Variants in NCAPH observed in about 807,000 individuals in gnomAD.
NCAPH encodes condensin complex subunit 2.
A neutral mutation model predicts 85.5 loss-of-function variants in NCAPH; 38 were observed. The observed-to-expected ratio is 0.44, with a 90% CI of 0.34 to 0.58. NCAPH has a LOEUF of 0.58. Among genes scored for constraint, NCAPH ranks in the 20% least tolerant of loss-of-function variants. The pLI, the probability that NCAPH is intolerant of heterozygous loss-of-function variation, is 0.01. For missense variants in NCAPH, 789 were observed against 916.6 expected, an observed-to-expected ratio of 0.86 and a Z score of 1.80; for synonymous variants, 301 against 335.1, an observed-to-expected ratio of 0.90 and a Z score of 1.11.
intron 6 of NCAPH, among the ~76,000 whole-genome samples, chr2:96,351,151 A>T (rs1308707977): frequency 6.6e-6 from 1 of 152,212 alleles, no homozygotes; most frequent in Non-Finnish European, 1.5e-5. Flanking sequence ...GGAACAATAG[A>T]GCCCTGTGAC....
At chr2:96,366,678 A>G (rs1004843061) in intron 14 of NCAPH, among the ~76,000 whole-genome samples, 1 of 152,160 alleles carries the variant, frequency 6.6e-6, no homozygotes, top group Non-Finnish European at 1.5e-5. Context: ...GGAGTTCGAG[A>G]CCAGCCCGGC....
intron 4 of NCAPH, 39 bp from the exon 5 acceptor site, chr2:96,343,127 T>C (rs2064316925): frequency 1.2e-6 from 2 of 1,604,238 alleles, no homozygotes; most frequent in South Asian, 1.1e-5. Context: ...AGTTGTTTTT[T>C]GTGTATCTTT....
intron 15 of NCAPH, among the ~76,000 whole-genome samples, 182 bp from the exon 16 acceptor site, chr2:96,368,790 A>G (rs972155100): frequency 2.6e-5 from 4 of 152,178 alleles, no homozygotes; most frequent in Admixed American, 2.0e-4. Flanking sequence ...GTTTACCACA[A>G]TGTCATTAGA....
rs1391176599 is a variant in NCAPH at position 96,360,726 on chromosome 2, G to T, written c.1587+16G>T. 4 of 1,613,696 alleles carry T rather than the reference G, an allele frequency of 2.5e-6. No homozygotes were observed. The highest frequency in any genetic ancestry group is 1.7e-5 in the Admixed American group (1 of 59,960). ...AGGCACCAGGGTAAGCCTATTTCTT[G>T]GTTCCTTTAAGCACACAAGGTATCA... is the stretch of plus-strand genomic sequence containing the variant. On this transcript the variant is annotated intron_variant, in intron 12 of 17. Transcript: ENST00000240423.
chr2:96,369,348 G>A (rs575708807), intron 16 of NCAPH, 77 bp from the exon 17 acceptor site: 2 of 1,206,074 alleles, frequency 1.7e-6, no homozygotes, highest in African/African-American at 1.5e-5. Context: ...TTGCATGTGT[G>A]TATTATTCAT....
chr2:96,341,486 C>G, intron 1 of NCAPH, 156 bp from the exon 2 acceptor site: 1 of 1,034,048 alleles, frequency 9.7e-7, no homozygotes, highest in Non-Finnish European at 1.4e-6. Context: ...CTCCAAGAAA[C>G]CCAAACTCTA....
In NCAPH at chr2:96,358,690, G is replaced by A. The variant is rs542135630; in HGVS notation, c.1209-355G>A. Among the ~76,000 whole-genome samples the A allele has an allele frequency of 7.2e-5, 11 of 152,212 alleles. No homozygotes were observed. The South Asian group carries it at 1.7e-3, about 23-fold the overall frequency. Reference sequence around the variant, plus strand: ...TCACTGTGTTAGCCAGGGTGGTCTCGATCTCCTGACCTTGTGATCCGCCCG... The same window carrying A: ...TCACTGTGTTAGCCAGGGTGGTCTCAATCTCCTGACCTTGTGATCCGCCCG... On this transcript the variant is annotated intron_variant, in intron 9 of 17. Transcript: ENST00000240423.
chr2:96,349,263 T>A lies in NCAPH; in HGVS notation c.721-2568T>A, dbSNP rs574519316. ...CCAAATACTCCAATCCTGGAAAGCT[T>A]TTTTTGCTCTGTAAGTTGCTGTAAA... On this transcript the variant is annotated intron_variant, in intron 6 of 17. Coordinates refer to ENST00000240423, the MANE Select transcript of NCAPH (RefSeq NM_015341.5). Among the ~76,000 whole-genome samples, 13 of 152,290 alleles carry A rather than the reference T, an allele frequency of 8.5e-5. No individual in the cohort carries two copies. In the East Asian group the frequency reaches 2.5e-3, roughly 29 times the overall value.
chr2:96,366,014 A>G lies in NCAPH; in HGVS notation c.1837A>G (p.Ile613Val), dbSNP rs2064693527. 1.2e-6 allele frequency: 2 copies of G among 1,614,252 alleles called. No individual in the cohort carries two copies. Among genetic ancestry groups the G allele is most frequent in the Non-Finnish European group, 1.7e-6 (2 of 1,180,044 alleles). Residue 613 changes from isoleucine (I) to valine (V), a missense_variant, in exon 14 of 18, where the codon ATC becomes GTC. By Grantham distance (29) the Ile-to-Val change is conservative. Transcript: ENST00000240423. ...GDTPEAQGLD[I>V]TTYGESNLVA... is the part of the protein sequence containing the mutation. ...CACTCCAGAAGCCCAAGGATTAGAC[A>G]TCACAACATATGGGGAGTCAAACTT...
chr2:96,360,683 C>T lies in NCAPH; in HGVS notation c.1560C>T (p.Val520=), dbSNP rs565709972. Residue 520 remains valine, a synonymous_variant, in exon 12 of 18, where the codon GTC becomes GTT. Transcript: ENST00000240423. ...TDFNYNVDTL[V]QLHLKPGTRL... is the part of the protein sequence containing the mutation. ...TCAACTACAATGTTGACACTCTGGT[C>T]CAGCTTCACCTCAAACCAGGCACCA... is the stretch of plus-strand genomic sequence containing the variant. 7 of 1,614,182 alleles carry T rather than the reference C, an allele frequency of 4.3e-6. No individual in the cohort carries two copies. In the African/African-American group the frequency reaches 8.0e-5, roughly 18 times the overall value.
In NCAPH at chr2:96,365,908, C is replaced by G. The variant is rs776442493; in HGVS notation, c.1731C>G (p.Asp577Glu). 2 of 1,614,190 alleles carry G rather than the reference C, an allele frequency of 1.2e-6. No homozygotes were observed. Among genetic ancestry groups the G allele is most frequent in the South Asian group, 2.2e-5 (2 of 91,078 alleles). Residue 577 changes from aspartate (D) to glutamate (E), a missense_variant, in exon 14 of 18, where the codon GAC becomes GAG. Coordinates refer to ENST00000240423, the MANE Select transcript of NCAPH (RefSeq NM_015341.5). Reference sequence around the variant, plus strand: ...ACAGTGATGATGAAGATTTGGATGACTTATTTGTGGGACCTGTTGGGAACT... The same window carrying G: ...ACAGTGATGATGAAGATTTGGATGAGTTATTTGTGGGACCTGTTGGGAACT... The part of the protein sequence containing the change: ...AADSDDEDLD[D>E]LFVGPVGNSD...
chr2:96,364,609 G>A lies in NCAPH; in HGVS notation c.1698+18G>A. On this transcript the variant is annotated intron_variant, in intron 13 of 17. Transcript: ENST00000240423. Reference sequence around the variant, plus strand: ...GATTACAGGTAAAGGGGGGAAAGGGGCTCTGTCCTCTCTTCTAAGCCAGGG... The same window carrying A: ...GATTACAGGTAAAGGGGGGAAAGGGACTCTGTCCTCTCTTCTAAGCCAGGG... 4 of 1,538,430 alleles carry A rather than the reference G, an allele frequency of 2.6e-6. No homozygotes were observed. The highest frequency in any genetic ancestry group is 2.2e-5 in the East Asian group (1 of 44,468).
chr2:96,346,137 A>G lies in NCAPH; in HGVS notation c.720+1908A>G, dbSNP rs1291972784. On this transcript the variant is annotated intron_variant, in intron 6 of 17. Coordinates refer to ENST00000240423, the MANE Select transcript of NCAPH (RefSeq NM_015341.5). ...AGGTGAGAGGTAGGGAATGGACAGC[A>G]CAGGTTGGGCTCGGCTGACGGGTGT... Among the ~76,000 whole-genome samples the G allele has an allele frequency of 2.0e-5, 3 of 152,140 alleles. No homozygotes were observed. The East Asian group carries it at 5.8e-4, about 29-fold the overall frequency.
intron 17 of NCAPH, among the ~76,000 whole-genome samples, chr2:96,370,424 G>C (rs546647970): frequency 6.6e-6 from 1 of 152,226 alleles, no homozygotes; most frequent in Non-Finnish European, 1.5e-5. Context: ...TGGGGTGCTG[G>C]TGGAAGCATC....
At chr2:96,372,361 C>T (rs1047992900) in intron 17 of NCAPH, among the ~76,000 whole-genome samples, 3 of 151,210 alleles carry the variant, frequency 2.0e-5, no homozygotes, top group Non-Finnish European at 4.4e-5. Flanking sequence ...CCCTAGTTTC[C>T]ATGGATGGGG....
intron 12 of NCAPH, among the ~76,000 whole-genome samples, chr2:96,361,829 T>TATATATA (rs1491107013): frequency 1.4e-5 from 1 of 70,958 alleles, no homozygotes; most frequent in African/African-American, 5.3e-5. Flanking sequence ...TATATATATA[T>TATATATA]TTTTTTTTTT....
chr2:96,367,209 A>C (rs751616930), intron 14 of NCAPH, 48 bp from the exon 15 acceptor site: 1 of 1,361,264 alleles, frequency 7.3e-7, no homozygotes. Context: ...ATTATGGTAA[A>C]AGTTTCTTTA....
chr2:96,362,022 G>A (rs2064630320), intron 12 of NCAPH, among the ~76,000 whole-genome samples: 1 of 151,248 alleles, frequency 6.6e-6, no homozygotes, highest in Admixed American at 6.6e-5. Context: ...GGGATTACAG[G>A]CGTGAGCCGT....
At chr2:96,367,154 G>A (rs1334290937) in intron 14 of NCAPH, 103 bp from the exon 15 acceptor site, 1 of 748,324 alleles carries the variant, frequency 1.3e-6, no homozygotes, top group Non-Finnish European at 2.2e-6. Flanking sequence ...GGTTGAAACT[G>A]GATTCCTTCT....
Sources: gnomAD v4.1 joint callset for allele counts (sites outside exome capture counted in the v4.1 genomes callset) on GRCh38, gnomAD v4.1.1 for gene constraint, MANE v1.5 for transcripts, NCBI Gene and HGNC (gene_info 2026-07-23, HGNC 2026-07-21) for gene names.